The following YAF2 variants were observed in gnomAD, a reference collection of about 807,000 sequenced individuals.
The protein encoded by YAF2 is YY1 associated factor 2.
Under a neutral mutation model 20.1 loss-of-function variants are expected in YAF2, and 7 were observed. The ratio of observed to expected loss-of-function variants is 0.35; its 90% CI spans 0.20 to 0.65. YAF2 has a LOEUF of 0.65. YAF2 is among the 30% of genes least tolerant of loss of function. YAF2 has a pLI of 0.69. For synonymous variants in YAF2, 74 were observed against 76.0 expected (o/e 0.97, Z 0.14); for missense variants, 151 against 219.2 (o/e 0.69, Z 1.96).
chr12:42,181,205 TATC>T (rs759352752), intron 2 of YAF2, among the ~76,000 whole-genome samples: 72 of 152,362 alleles, frequency 4.7e-4, no homozygotes, highest in Non-Finnish European at 1.0e-3. Context: ...GCCCTTCACT[TATC>T]ATTCTAATAC....
chr12:42,230,149 C>CAGG (rs1008736905), intron 2 of YAF2, among the ~76,000 whole-genome samples: 2 of 152,046 alleles, frequency 1.3e-5, no homozygotes, highest in African/African-American at 4.8e-5. Context: ...CCCAGCTACT[C>CAGG]AGGAGGCTGA....
chr12:42,195,050 C>T (rs772312093), intron 2 of YAF2, among the ~76,000 whole-genome samples: 7 of 152,260 alleles, frequency 4.6e-5, no homozygotes, highest in African/African-American at 7.2e-5. Flanking sequence ...ATGATAGATA[C>T]GGTTTCAGCC....
intron 2 of YAF2, among the ~76,000 whole-genome samples, chr12:42,192,460 G>C (rs535550792): frequency 6.6e-6 from 1 of 152,216 alleles, no homozygotes; most frequent in African/African-American, 2.4e-5. Flanking sequence ...AGTGAGCTGT[G>C]ATCGTGCCAC....
chr12:42,237,063 A>G (rs1484789147), intron 2 of YAF2, among the ~76,000 whole-genome samples: 1 of 152,232 alleles, frequency 6.6e-6, no homozygotes, highest in African/African-American at 2.4e-5. Context: ...ATCTCCAACT[A>G]CTTATTTATA....
At chr12:42,225,215 G>A (rs573537161) in intron 2 of YAF2, among the ~76,000 whole-genome samples, 1 of 148,638 alleles carries the variant, frequency 6.7e-6, no homozygotes, top group Non-Finnish European at 1.5e-5. Context: ...TGATGGGGTT[G>A]TTTTTTTTCT....
At chr12:42,208,572 A>G (rs532154898) in intron 2 of YAF2, among the ~76,000 whole-genome samples, 100 of 152,316 alleles carry the variant, frequency 6.6e-4, no homozygotes, top group African/African-American at 2.3e-3. Context: ...ATAGCCAAAC[A>G]CTAGCCAATA....
intron 2 of YAF2, among the ~76,000 whole-genome samples, chr12:42,196,267 CA>C (rs2066750787): frequency 2.1e-5 from 3 of 145,630 alleles, no homozygotes; most frequent in Admixed American, 1.4e-4. Context: ...GGAGGACAGG[CA>C]AAACAGCATC....
At chr12:42,169,978 C>T (rs924053813) in intron 2 of YAF2, among the ~76,000 whole-genome samples, 7 of 152,012 alleles carry the variant, frequency 4.6e-5, no homozygotes, top group African/African-American at 1.7e-4. Context: ...TCAAGCTATC[C>T]TCCTACCTCA....
chr12:42,175,534 C>CAAA (rs71084621), intron 2 of YAF2, among the ~76,000 whole-genome samples: 1 of 143,702 alleles, frequency 7.0e-6, no homozygotes. Flanking sequence ...AATTATACCT[C>CAAA]AAAAAAAAAA....
chr12:42,168,941 A>G (rs902805544), intron 2 of YAF2, among the ~76,000 whole-genome samples: 2 of 152,152 alleles, frequency 1.3e-5, no homozygotes, highest in Non-Finnish European at 2.9e-5. Flanking sequence ...CACCCCTCCC[A>G]TCATAAGAAC....
intron 2 of YAF2, among the ~76,000 whole-genome samples, chr12:42,179,789 C>CAAAAA (rs71084622): frequency 9.9e-4 from 84 of 85,126 alleles, no homozygotes; most frequent in South Asian, 1.8e-3. Context: ...GTCTAAAAGG[C>CAAAAA]AAAAAAAAAA....
intron 2 of YAF2, among the ~76,000 whole-genome samples, chr12:42,227,893 G>A (rs1167987728): frequency 4.3e-5 from 6 of 138,234 alleles, no homozygotes; most frequent in African/African-American, 1.7e-4. Flanking sequence ...GGGAGGTGAG[G>A]GGCGCCTCTG....
At chr12:42,210,193 A>G (rs1409113235) in intron 2 of YAF2, among the ~76,000 whole-genome samples, 2 of 152,226 alleles carry the variant, frequency 1.3e-5, no homozygotes, top group Non-Finnish European at 2.9e-5. Flanking sequence ...TTAATAGCTC[A>G]GTATTTACTG....
intron 2 of YAF2, among the ~76,000 whole-genome samples, chr12:42,211,055 T>C (rs181137691): frequency 1.3e-5 from 2 of 152,218 alleles, no homozygotes; most frequent in African/African-American, 2.4e-5. Context: ...GATTTTGGTA[T>C]AGAAGCCACC....
chr12:42,215,469 G>A (rs2067326033), intron 2 of YAF2, among the ~76,000 whole-genome samples: 2 of 152,118 alleles, frequency 1.3e-5, no homozygotes, highest in South Asian at 4.1e-4. Flanking sequence ...TTACTTTATA[G>A]AACAAATGAA....
intron 2 of YAF2, among the ~76,000 whole-genome samples, chr12:42,173,724 C>G (rs2066109351): frequency 6.6e-6 from 1 of 152,138 alleles, no homozygotes. Context: ...ATTTATTTAA[C>G]AAATATTTAT....
At chr12:42,237,780 G>T in intron 1 of YAF2, 56 bp from the exon 2 acceptor site, 2 of 1,280,410 alleles carry the variant, frequency 1.6e-6, no homozygotes. Context: ...GGCCGCGCCC[G>T]GTGCCCGGGC....
intron 2 of YAF2, among the ~76,000 whole-genome samples, chr12:42,198,666 T>A (rs1471038005): frequency 6.6e-6 from 1 of 152,208 alleles, no homozygotes; most frequent in African/African-American, 2.4e-5. Context: ...CAGGGAACAC[T>A]TATGGAAAGC....
chr12:42,228,690 G>A (rs867894594), intron 2 of YAF2, among the ~76,000 whole-genome samples: 3 of 88,788 alleles, frequency 3.4e-5, no homozygotes, highest in African/African-American at 5.5e-5. Flanking sequence ...CCGGCCAGCC[G>A]CCCCGTCCGG....
Sources: gnomAD v4.1 joint callset for allele counts (sites outside exome capture counted in the v4.1 genomes callset) on GRCh38, gnomAD v4.1.1 for gene constraint, MANE v1.5 for transcripts, NCBI Gene and HGNC (gene_info 2026-07-23, HGNC 2026-07-21) for gene names.